Variants in DNAAF11 observed in about 807,000 individuals in gnomAD.
The protein encoded by DNAAF11 is dynein axonemal assembly factor 11.
DNAAF11 carries 45 observed loss-of-function variants against 60.8 expected under a neutral mutation model. That is an observed-to-expected ratio of 0.74 (90% confidence interval 0.58 to 0.95). The LOEUF is 0.95. Ranked by LOEUF, DNAAF11 falls within the 40% of genes least tolerant of loss-of-function variation. DNAAF11 has a pLI of 0.00. For missense variants in DNAAF11, 546 were observed against 546.2 expected (o/e 1.00, Z 0.00); for synonymous variants, 191 against 183.5 (o/e 1.04, Z -0.33).
intron 10 of DNAAF11, among the ~76,000 whole-genome samples, chr8:132,594,141 A>C (rs372268113): frequency 3.3e-5 from 5 of 152,160 alleles, no homozygotes; most frequent in African/African-American, 4.8e-5. Flanking sequence ...AAATCAGATA[A>C]GGAATGAATA....
intron 1 of DNAAF11, among the ~76,000 whole-genome samples, chr8:132,673,641 A>T (rs983781064): frequency 1.3e-5 from 2 of 151,976 alleles, no homozygotes; most frequent in Non-Finnish European, 2.9e-5. Flanking sequence ...AGCCACCAAG[A>T]AGCCCTGCTC....
intron 10 of DNAAF11, among the ~76,000 whole-genome samples, chr8:132,588,645 T>A (rs1353622256): frequency 6.6e-6 from 1 of 152,214 alleles, no homozygotes; most frequent in Non-Finnish European, 1.5e-5. Context: ...GGAGCTGTGC[T>A]AGAAAGGATA....
At chr8:132,639,503 A>T (rs1318047417) in intron 3 of DNAAF11, among the ~76,000 whole-genome samples, 1 of 152,214 alleles carries the variant, frequency 6.6e-6, no homozygotes, top group African/African-American at 2.4e-5. Context: ...CTGATAGATT[A>T]ACGTCACCAA....
intron 3 of DNAAF11, among the ~76,000 whole-genome samples, chr8:132,652,208 C>A (rs1483684693): frequency 6.6e-6 from 1 of 152,190 alleles, no homozygotes; most frequent in African/African-American, 2.4e-5. Context: ...AGTCAGCACG[C>A]CCCACCCACT....
At chr8:132,693,621 T>C in the DNAAF11 span, among the ~76,000 whole-genome samples, 5 of 151,912 alleles carry the variant, frequency 3.3e-5, no homozygotes, top group African/African-American at 1.2e-4. Context: ...AAACAGGTAA[T>C]TTCATGGCAT....
intron 3 of DNAAF11, among the ~76,000 whole-genome samples, chr8:132,651,536 C>T (rs1164777318): frequency 6.6e-6 from 1 of 152,138 alleles, no homozygotes; most frequent in Non-Finnish European, 1.5e-5. Flanking sequence ...CGTGTTAAAG[C>T]TGGAAAGCAG....
chr8:132,649,830 AC>A (rs1822816834), intron 3 of DNAAF11, among the ~76,000 whole-genome samples: 1 of 152,244 alleles, frequency 6.6e-6, no homozygotes, highest in South Asian at 2.1e-4. Flanking sequence ...ACCATCTCAA[AC>A]CAGTTAGAAT....
Position 132,652,730 on chromosome 8 carries a change from G to T in DNAAF11, c.256+4100C>A, listed in dbSNP as rs141623539. Among the ~76,000 whole-genome samples the T allele has an allele frequency of 2.4e-3, 362 of 152,186 alleles. 4 individuals carry two copies. Among genetic ancestry groups the T allele is most frequent in the African/African-American group, 8.3e-3 (346 of 41,524 alleles). ...ACCACACGTTCTCACTCATAAGTGG[G>T]AATTGAACAATAAGAACACATGGAC... On this transcript the variant is annotated intron_variant, in intron 3 of 11. Transcript: ENST00000620350.
intron 10 of DNAAF11, among the ~76,000 whole-genome samples, chr8:132,592,605 A>G (rs1038577862): frequency 1.3e-5 from 2 of 152,182 alleles, no homozygotes; most frequent in Non-Finnish European, 2.9e-5. Flanking sequence ...GGCTTTATAA[A>G]AGGAGAAACT....
chr8:132,610,627 T>C (rs906597405), intron 9 of DNAAF11, among the ~76,000 whole-genome samples: 3 of 152,212 alleles, frequency 2.0e-5, no homozygotes. Flanking sequence ...AATAAAATTA[T>C]AGTTTTTATG....
intron 11 of DNAAF11, among the ~76,000 whole-genome samples, chr8:132,582,767 T>C (rs1432867166): frequency 6.6e-6 from 1 of 152,236 alleles, no homozygotes; most frequent in Non-Finnish European, 1.5e-5. Flanking sequence ...TGTTCAGGTA[T>C]TTTTATGATG....
At chr8:132,697,605 G>A in the DNAAF11 span, among the ~76,000 whole-genome samples, 5 of 146,884 alleles carry the variant, frequency 3.4e-5, no homozygotes, top group Non-Finnish European at 4.5e-5. Context: ...GAGACAGAGC[G>A]AGACCCCATC....
chr8:132,677,450 G>C (rs960721630), upstream of DNAAF11, among the ~76,000 whole-genome samples: 1 of 151,882 alleles, frequency 6.6e-6, no homozygotes, highest in Non-Finnish European at 1.5e-5. Context: ...AAATAATAAA[G>C]GATCTCAGCC....
the DNAAF11 span, among the ~76,000 whole-genome samples, chr8:132,688,416 G>T: frequency 6.6e-6 from 1 of 152,156 alleles, no homozygotes; most frequent in Non-Finnish European, 1.5e-5. Context: ...CTCCATGAGG[G>T]TTTGTATGGC....
chr8:132,652,120 T>C (rs1024493345), intron 3 of DNAAF11, among the ~76,000 whole-genome samples: 19 of 152,356 alleles, frequency 1.2e-4, no homozygotes, highest in African/African-American at 3.6e-4. Context: ...TTTCAGCTAT[T>C]AGCAGATGGC....
At chr8:132,597,047 T>C (rs918680132) in intron 10 of DNAAF11, among the ~76,000 whole-genome samples, 2 of 152,234 alleles carry the variant, frequency 1.3e-5, no homozygotes, top group Admixed American at 6.5e-5. Flanking sequence ...CCATTTTAAG[T>C]GGCAACTTTG....
chr8:132,595,702 A>G (rs1481124878), intron 10 of DNAAF11, among the ~76,000 whole-genome samples: 2 of 152,212 alleles, frequency 1.3e-5, no homozygotes. Flanking sequence ...TTTTCTTTAC[A>G]TTGTGTTCTA....
chr8:132,668,984 C>G (rs922925263), intron 1 of DNAAF11, among the ~76,000 whole-genome samples: 11 of 152,288 alleles, frequency 7.2e-5, no homozygotes, highest in African/African-American at 2.4e-4. Flanking sequence ...GGAAAGTCCA[C>G]ATTCAATGAC....
chr8:132,700,995 A>G, the DNAAF11 span, among the ~76,000 whole-genome samples: 2 of 152,202 alleles, frequency 1.3e-5, no homozygotes, highest in African/African-American at 2.4e-5. Flanking sequence ...AGGGGTTGGT[A>G]TCTTGCAAGA....
Sources: gnomAD v4.1 joint callset for allele counts (sites outside exome capture counted in the v4.1 genomes callset) on GRCh38, gnomAD v4.1.1 for gene constraint, MANE v1.5 for transcripts, NCBI Gene and HGNC (gene_info 2026-07-23, HGNC 2026-07-21) for gene names.